Variants in TUBGCP2 observed in about 807,000 individuals in gnomAD.
TUBGCP2 encodes gamma-tubulin complex component 2.
TUBGCP2 carries 55 observed loss-of-function variants against 92.2 expected under a neutral mutation model. The ratio of observed to expected loss-of-function variants is 0.60; its 90% CI spans 0.48 to 0.75. TUBGCP2 has a LOEUF of 0.75. Ranked by LOEUF, TUBGCP2 falls within the 30% of genes least tolerant of loss-of-function variation. The probability of loss-of-function intolerance (pLI) is 0.00; values close to 1 mark genes in which losing one functional copy is unlikely to be tolerated. For synonymous variants in TUBGCP2, 533 were observed against 505.2 expected, an observed-to-expected ratio of 1.06 and a Z score of -0.74; for missense variants, 1,093 against 1,188.9, an observed-to-expected ratio of 0.92 and a Z score of 1.19.
chr10:133,296,534 G>T (rs1316798773), intron 5 of TUBGCP2, among the ~76,000 whole-genome samples: 1 of 151,796 alleles, frequency 6.6e-6, no homozygotes, highest in Admixed American at 6.6e-5. Context: ...CTGGAGTGCA[G>T]TGGCACGATC....
chr10:133,281,575 G>A (rs1846978710), intron 16 of TUBGCP2, 139 bp from the exon 17 acceptor site: 2 of 1,137,556 alleles, frequency 1.8e-6, no homozygotes, highest in Non-Finnish European at 1.2e-6. Context: ...GATGTTTTCA[G>A]GAGATTCAAG....
chr10:133,292,001 A>G (rs375149082), intron 8 of TUBGCP2, among the ~76,000 whole-genome samples: 138 of 3,346 alleles, frequency 0.041, 35 homozygotes, highest in Admixed American at 0.059. Context: ...GGCAGCACGC[A>G]CCCTCCGTGT....
At position 133,283,004 on chromosome 10, in the gene TUBGCP2, C is replaced by T. The variant is rs571307958; in HGVS notation, c.2289+74G>A. On this transcript the variant is annotated intron_variant, in intron 15 of 17. Transcript: ENST00000252936. ...AGGGCAGGAAAACGTGAGCAGGCTG[C>T]GTGCGGCCACGGTCGGGACATGGTC... 8 of 1,575,514 alleles carry T rather than the reference C, an allele frequency of 5.1e-6. No homozygotes were observed. In the South Asian group the frequency reaches 5.7e-5, roughly 11 times the overall value.
At chr10:133,280,165 C>T (rs145726130) in intron 17 of TUBGCP2, among the ~76,000 whole-genome samples, 1 of 152,316 alleles carries the variant, frequency 6.6e-6, no homozygotes, top group Non-Finnish European at 1.5e-5. Flanking sequence ...AGGCACGCTC[C>T]TAACTAATGT....
At position 133,293,065 on chromosome 10, in the gene TUBGCP2, C is replaced by T. The variant is rs1376717714; in HGVS notation, c.998G>A (p.Arg333His). The change falls in exon 7 of 18, where the codon CGC (arginine) becomes CAC (histidine). Residue 333 changes from arginine (R) to histidine (H), a missense_variant. Around this residue, in one of 3 missense-constraint regions of TUBGCP2, gnomAD observed 490 missense variants for 488.5 expected, o/e 1.00. Transcript: ENST00000252936. ...GAGGGAGGCCAGGATGTCCATGGTGCGCATGGCTGGCTGGATGTAGAACCA... is the reference window on the plus strand; with the variant it reads ...GAGGGAGGCCAGGATGTCCATGGTGTGCATGGCTGGCTGGATGTAGAACCA... ...KLWFYIQPAM[R>H]TMDILASLAT... 4 of 1,613,516 alleles carry T rather than the reference C, an allele frequency of 2.5e-6. No individual in the cohort carries two copies. The highest frequency in any genetic ancestry group is 2.5e-6 in the Non-Finnish European group (3 of 1,180,022).
upstream of TUBGCP2, chr10:133,312,122 C>T (rs925552218): frequency 4.2e-6 from 6 of 1,440,158 alleles, no homozygotes; most frequent in African/African-American, 8.6e-5. Context: ...GTCTCACTTG[C>T]AGTTGCTTCA....
Position 133,288,203 on chromosome 10 carries a change from G to A in TUBGCP2, c.1648C>T (p.Arg550Cys), listed in dbSNP as rs773536559. Residue 550 changes from arginine to cysteine, a missense_variant, in exon 11 of 18, where the codon CGC becomes TGC. Coordinates refer to ENST00000252936, the MANE Select transcript of TUBGCP2 (RefSeq NM_006659.4). ...GCCAGCTCCAGGAGCGCTTCCAGGC[G>A]AGGGGGCGTGATGTCCTCCACCGGC... is the stretch of plus-strand genomic sequence containing the variant. ...RKPVEDITPPRLEALLELALR... is the reference protein window; with the variant it reads ...RKPVEDITPPCLEALLELALR... 1.9e-6 allele frequency: 3 copies of A among 1,613,912 alleles called. No individual in the cohort carries two copies. Among genetic ancestry groups the A allele is most frequent in the Admixed American group, 1.7e-5 (1 of 60,036 alleles).
chr10:133,279,531 G>C lies in TUBGCP2; in HGVS notation c.*235C>G. 1.7e-6 allele frequency: 1 copy of C among 589,080 alleles called. No individual in the cohort carries two copies. The highest frequency in any genetic ancestry group is 2.8e-6 in the Non-Finnish European group (1 of 360,564). The allele number at this position is 589,080 out of a possible 1,614,324, so 36.5% of individuals were successfully genotyped here. ...GCCAAAAACACCCAAAAAGGTGATA[G>C]TGTAATTTCAAAAAGCAAACAGATT... On this transcript the variant is annotated 3_prime_UTR_variant, in exon 18 of 18. Coordinates refer to ENST00000252936, the MANE Select transcript of TUBGCP2 (RefSeq NM_006659.4).
At chr10:133,310,962 C>T (rs538017541), upstream of TUBGCP2, among the ~76,000 whole-genome samples, 5 of 152,248 alleles carry the variant, frequency 3.3e-5, no homozygotes, top group African/African-American at 7.2e-5. Context: ...TCGCCGCACT[C>T]GGCAAAATTT....
In TUBGCP2 at chr10:133,285,446, C is replaced by T. The variant is rs201339306; in HGVS notation, c.1895+10G>A. The T allele has an allele frequency of 2.5e-4, 405 of 1,613,128 alleles. No homozygotes were observed. The highest frequency in any genetic ancestry group is 1.9e-4 in the Non-Finnish European group (226 of 1,179,888). ...AAGATCTGGCAGGTGCCCGAGCAGC[C>T]GACCCGCACCTGTTGATGATGAGCG... On this transcript the variant is annotated intron_variant, in intron 12 of 17. Transcript: ENST00000252936. The surrounding 1 kb of genome is among the most constrained non-coding windows in gnomAD (Gnocchi z 6.8).
At chr10:133,309,475 G>C, upstream of TUBGCP2, 1 of 1,610,690 alleles carries the variant, frequency 6.2e-7, no homozygotes. Flanking sequence ...TAAGCGAATG[G>C]GCAGTGCCTA....
intron 7 of TUBGCP2, 136 bp downstream of exon 7, chr10:133,292,903 G>A: frequency 5.3e-6 from 6 of 1,140,114 alleles, no homozygotes; most frequent in African/African-American, 1.6e-5. Flanking sequence ...AGCACATGGA[G>A]CAACATGAGC....
chr10:133,310,102 C>T (rs563464160), upstream of TUBGCP2: 74 of 1,611,676 alleles, frequency 4.6e-5, no homozygotes, highest in Admixed American at 1.7e-4. Flanking sequence ...AGCTCTGCTA[C>T]GGGGGCATGG....
chr10:133,306,338 GA>G lies in TUBGCP2; in HGVS notation c.-40+2484del, dbSNP rs1290253907. Among the ~76,000 whole-genome samples, 4 of 152,124 alleles carry G rather than the reference GA, an allele frequency of 2.6e-5. No individual in the cohort carries two copies. In the East Asian group the frequency reaches 7.7e-4, roughly 29 times the overall value. ...TCACCCACATTCTACTCGGCTCCCC[GA>G]GGACTGCAGGTTGTCCTATAACTGC... On this transcript the variant is annotated intron_variant, in intron 1 of 17. Coordinates refer to ENST00000252936, the MANE Select transcript of TUBGCP2 (RefSeq NM_006659.4).
intron 14 of TUBGCP2, among the ~76,000 whole-genome samples, 191 bp downstream of exon 14, chr10:133,283,691 T>G (rs3008332): frequency 0.013 from 96 of 7,212 alleles, 1 homozygote; most frequent in African/African-American, 0.047. Flanking sequence ...CTCTCCCGCA[T>G]TCCCTGCCTC....
Position 133,300,032 on chromosome 10 carries a change from G to A in TUBGCP2, c.232C>T (p.Leu78Phe), listed in dbSNP as rs138791036. 1.2e-6 allele frequency: 2 copies of A among 1,614,104 alleles called. No homozygotes were observed. The highest frequency in any genetic ancestry group is 1.7e-6 in the Non-Finnish European group (2 of 1,180,010). The change falls in exon 3 of 18, where the codon CTT (leucine) becomes TTT (phenylalanine). Residue 78 changes from leucine to phenylalanine, a missense_variant. Transcript: ENST00000252936. Reference sequence around the variant, plus strand: ...GACAACAGGTACACCAGCGGGTCAAGGTTCCTTGTATTTTTAGATTTCAGT... The same window carrying A: ...GACAACAGGTACACCAGCGGGTCAAAGTTCCTTGTATTTTTAGATTTCAGT... ...DELKSKNTRN[L>F]DPLVYLLSKL...
At chr10:133,304,635 C>G (rs983123302) in intron 1 of TUBGCP2, among the ~76,000 whole-genome samples, 1 of 152,118 alleles carries the variant, frequency 6.6e-6, no homozygotes, top group South Asian at 2.1e-4. Context: ...ACCGAGGGCA[C>G]GAGCTGTTCC....
Position 133,292,618 on chromosome 10 carries a change from G to A in TUBGCP2, c.1095C>T (p.Ser365=). 4 of 1,614,182 alleles carry A rather than the reference G, an allele frequency of 2.5e-6. No homozygotes were observed. The highest frequency in any genetic ancestry group is 3.4e-6 in the Non-Finnish European group (4 of 1,180,018). ...TLSLLHDRSF[S]YTGDSQAQEL... is the part of the protein sequence containing the mutation. ...CCTGCGCCTGGCTGTCCCCTGTGTA[G>A]CTGAAGCTCCTGTCGTGGAGCAGGC... The change falls in exon 8 of 18, where the codon AGC becomes AGT. Residue 365 remains serine, a synonymous_variant. Coordinates refer to ENST00000252936, the MANE Select transcript of TUBGCP2 (RefSeq NM_006659.4).
intron 3 of TUBGCP2, 46 bp downstream of exon 3, chr10:133,299,939 A>T: frequency 1.2e-6 from 2 of 1,602,486 alleles, no homozygotes; most frequent in Non-Finnish European, 1.7e-6. Flanking sequence ...CCCACTCCCA[A>T]CATGGGCCGT....
Sources: allele counts gnomAD v4.1 joint callset (sites outside exome capture counted in the v4.1 genomes callset), GRCh38; gene constraint gnomAD v4.1.1; regional missense constraint gnomAD v4.1.1; non-coding constraint Gnocchi (gnomAD v3.1); transcripts MANE v1.5; gene names NCBI Gene and HGNC (gene_info 2026-07-23, HGNC 2026-07-21).